PMFBP1: variants seen among roughly 807,000 people sequenced by gnomAD.
PMFBP1 encodes polyamine-modulated factor 1-binding protein 1.
In PMFBP1, 131 loss-of-function variants were observed where a neutral mutation model predicts 137.8. That is an observed-to-expected ratio of 0.95 (90% CI 0.82 to 1.10). The LOEUF is 1.10. Ranked by LOEUF, PMFBP1 falls within the 50% of genes least tolerant of loss-of-function variation. The pLI is 0.00. For missense variants in PMFBP1, 1,199 were observed against 1,175.4 expected (o/e 1.02, Z -0.29); for synonymous variants, 490 against 450.4 (o/e 1.09, Z -1.11).
chr16:72,219,055 G>C, the PMFBP1 span, among the ~76,000 whole-genome samples: 4 of 152,048 alleles, frequency 2.6e-5, no homozygotes, highest in African/African-American at 7.3e-5. Flanking sequence ...ATGATGTTTT[G>C]AGACATGTAT....
upstream of PMFBP1, among the ~76,000 whole-genome samples, chr16:72,179,604 A>T (rs576378460): frequency 1.2e-4 from 18 of 152,246 alleles, no homozygotes; most frequent in African/African-American, 4.1e-4. Context: ...TTAAAAAAAA[A>T]GGCAGTTCTG....
At chr16:72,122,061 C>G (rs2042384528) in intron 19 of PMFBP1, among the ~76,000 whole-genome samples, 3 of 152,184 alleles carry the variant, frequency 2.0e-5, no homozygotes, top group Admixed American at 2.0e-4. Context: ...CCTCCACCCT[C>G]TGACAGACCC....
the PMFBP1 span, among the ~76,000 whole-genome samples, chr16:72,230,748 T>A: frequency 1.3e-5 from 2 of 152,136 alleles, no homozygotes; most frequent in South Asian, 2.1e-4. Flanking sequence ...CCATCCCTTC[T>A]CCTCCTCAGC....
Position 72,136,520 on chromosome 16 carries a change from G to T in PMFBP1, c.1131C>A (p.Ile377=). ...GCAGCTCCTGCAGCCGGCACTGCAG[G>T]ATGGTGATGTCCTTATCCTTCCTCT... ...HIERKDKDIT[I]LQCRLQELQL... is the part of the protein sequence containing the mutation. The change falls in exon 9 of 21, where the codon ATC becomes ATA. Residue 377 remains isoleucine, a synonymous_variant. Transcript: ENST00000237353. 1 of 1,614,030 alleles carries T rather than the reference G, an allele frequency of 6.2e-7. No homozygotes were observed. Among genetic ancestry groups the T allele is most frequent in the Non-Finnish European group, 8.5e-7 (1 of 1,180,002 alleles).
chr16:72,190,750 C>G, the PMFBP1 span, among the ~76,000 whole-genome samples: 1 of 151,988 alleles, frequency 6.6e-6, no homozygotes, highest in African/African-American at 2.4e-5. Flanking sequence ...ACACCTCAAT[C>G]TGAGCACACA....
chr16:72,154,608 C>A (rs1210526533), intron 3 of PMFBP1, 149 bp from the exon 4 acceptor site: 2 of 946,636 alleles, frequency 2.1e-6, no homozygotes, highest in Admixed American at 2.9e-5. Flanking sequence ...TTAAACATTT[C>A]ACTCTATTCA....
the PMFBP1 span, among the ~76,000 whole-genome samples, chr16:72,236,606 A>G: frequency 2.6e-5 from 4 of 152,170 alleles, no homozygotes; most frequent in African/African-American, 7.2e-5. Flanking sequence ...GGCAGTACCC[A>G]CTAAATGTTT....
the PMFBP1 span, among the ~76,000 whole-genome samples, chr16:72,226,729 A>G: frequency 6.6e-6 from 1 of 152,196 alleles, no homozygotes; most frequent in Non-Finnish European, 1.5e-5. Context: ...CAAACAAACA[A>G]CAATTCCACA....
chr16:72,164,952 ACTAT>A, intron 2 of PMFBP1, 36 bp from the exon 3 acceptor site: 2 of 1,545,676 alleles, frequency 1.3e-6, no homozygotes, highest in Middle Eastern at 3.5e-4. Flanking sequence ...TCAATTATAA[ACTAT>A]CAAGAAAGTG....
intron 12 of PMFBP1, 71 bp from the exon 13 acceptor site, chr16:72,129,304 T>C (rs1472962092): frequency 5.3e-6 from 8 of 1,513,990 alleles, no homozygotes; most frequent in South Asian, 1.2e-5. Context: ...ATACAGACAA[T>C]TGCACACAGG....
the PMFBP1 span, among the ~76,000 whole-genome samples, chr16:72,200,096 C>T: frequency 2.0e-5 from 3 of 152,232 alleles, no homozygotes; most frequent in East Asian, 1.9e-4. Context: ...GCTCTGTGCC[C>T]GCCCTGCTGG....
the PMFBP1 span, among the ~76,000 whole-genome samples, chr16:72,231,538 A>C: frequency 6.6e-6 from 1 of 152,198 alleles, no homozygotes; most frequent in Non-Finnish European, 1.5e-5. Flanking sequence ...TAGCAAACAA[A>C]TAGAGATGAG....
At chr16:72,155,238 C>T (rs2042964037) in intron 3 of PMFBP1, among the ~76,000 whole-genome samples, 1 of 152,152 alleles carries the variant, frequency 6.6e-6, no homozygotes, top group Admixed American at 6.5e-5. Context: ...TCCAGCATCC[C>T]TTATGACAAT....
chr16:72,128,914 T>C, intron 13 of PMFBP1, 120 bp from the exon 14 acceptor site: 1 of 1,510,162 alleles, frequency 6.6e-7, no homozygotes, highest in Non-Finnish European at 9.0e-7. Flanking sequence ...AGCTCAGGCA[T>C]TCTCGCTCCC....
Position 72,119,122 on chromosome 16 carries a change from C to A in PMFBP1, c.*216G>T, listed in dbSNP as rs923755745. 3.8e-6 allele frequency: 2 copies of A among 530,950 alleles called. No homozygotes were observed. The highest frequency in any genetic ancestry group is 3.3e-6 in the Non-Finnish European group (1 of 299,544). 32.9% of individuals were successfully genotyped at this position (530,950 alleles called of 1,614,324 possible). On this transcript the variant is annotated 3_prime_UTR_variant, in exon 21 of 21. Coordinates refer to ENST00000237353, the MANE Select transcript of PMFBP1 (RefSeq NM_031293.3). ...TGTGCTCATGCTCATGTCTTTATTT[C>A]AGAGTTTGGGCCTGGAGATGGTAGT...
the PMFBP1 span, among the ~76,000 whole-genome samples, chr16:72,241,506 G>C: frequency 1.9e-3 from 296 of 152,314 alleles, no homozygotes; most frequent in Non-Finnish European, 2.9e-3. Context: ...GACACTGACT[G>C]CCATATATTT....
At chr16:72,170,469 G>A (rs149614243) in intron 2 of PMFBP1, among the ~76,000 whole-genome samples, 4 of 152,108 alleles carry the variant, frequency 2.6e-5, no homozygotes, top group South Asian at 2.1e-4. Context: ...GGTCTTTGTC[G>A]CCCCGGCTGG....
chr16:72,145,557 CA>C (rs1298385950), intron 5 of PMFBP1, among the ~76,000 whole-genome samples: 1 of 151,752 alleles, frequency 6.6e-6, no homozygotes, highest in Admixed American at 6.6e-5. Flanking sequence ...GATAGAGACA[CA>C]AAAAAACCTT....
the PMFBP1 span, among the ~76,000 whole-genome samples, chr16:72,247,893 T>C: frequency 0.072 from 11,005 of 152,258 alleles, 589 homozygotes; most frequent in Middle Eastern, 0.15. Flanking sequence ...CACTTACTCA[T>C]ATGATGACAC....
Sources: allele counts gnomAD v4.1 joint callset (sites outside exome capture counted in the v4.1 genomes callset), GRCh38; gene constraint gnomAD v4.1.1; transcripts MANE v1.5; gene names NCBI Gene and HGNC (gene_info 2026-07-23, HGNC 2026-07-21).